The following RBFOX1 variants were observed in gnomAD, a reference collection of about 807,000 sequenced individuals.
RBFOX1 encodes the protein RNA binding fox-1 homolog 1, also known as RNA binding protein fox-1 homolog 1.
RBFOX1 carries 8 observed loss-of-function variants against 57.7 expected under a neutral mutation model. That is an observed-to-expected ratio of 0.14 (90% CI 0.08 to 0.25). RBFOX1 has a LOEUF of 0.25. Among genes scored for constraint, RBFOX1 ranks in the 10% least tolerant of loss-of-function variants. The pLI, the probability that RBFOX1 is intolerant of heterozygous loss-of-function variation, is 1.00. For synonymous variants in RBFOX1, 326 were observed against 222.4 expected, an observed-to-expected ratio of 1.47 and a Z score of -4.15; for missense variants, 611 against 548.5, an observed-to-expected ratio of 1.11 and a Z score of -1.14.
At chr16:6,686,211 G>A (rs111919650) in intron 3 of RBFOX1, among the ~76,000 whole-genome samples, 1 of 152,170 alleles carries the variant, frequency 6.6e-6, no homozygotes, top group Non-Finnish European at 1.5e-5. Context: ...CGGTTCAGAT[G>A]TTCTTATCAC....
At chr16:6,832,590 G>T (rs142105657) in intron 3 of RBFOX1, among the ~76,000 whole-genome samples, 30 of 152,262 alleles carry the variant, frequency 2.0e-4, no homozygotes, top group African/African-American at 7.2e-4. Context: ...AGCCGCAGAC[G>T]GAAAGTGAAG....
At chr16:5,274,864 T>A (rs1286279848) in intron 1 of RBFOX1, among the ~76,000 whole-genome samples, 2 of 152,126 alleles carry the variant, frequency 1.3e-5, no homozygotes, top group East Asian at 3.9e-4. Flanking sequence ...CATGTCAGGG[T>A]CTAGTAGGGG....
At chr16:6,057,813 G>A (rs995914379) in intron 1 of RBFOX1, among the ~76,000 whole-genome samples, 1 of 139,556 alleles carries the variant, frequency 7.2e-6, no homozygotes, top group Non-Finnish European at 1.5e-5. Context: ...ATTTTATGAG[G>A]GTTTGCTATG....
At chr16:6,917,912 G>A (rs2073589834) in intron 3 of RBFOX1, among the ~76,000 whole-genome samples, 1 of 152,088 alleles carries the variant, frequency 6.6e-6, no homozygotes, top group Non-Finnish European at 1.5e-5. Context: ...TGGAGACCTG[G>A]GTATTATCCC....
rs762659895 is a variant in RBFOX1 at position 7,184,603 on chromosome 16, A to G, written c.27+132505A>G. 3.4e-4 allele frequency among the ~76,000 whole-genome samples: 51 copies of G among 152,200 alleles called. 1 individual carries two copies. Among genetic ancestry groups the G allele is most frequent in the Non-Finnish European group, 6.9e-4 (47 of 68,038 alleles). ...TAGTCTTGTCTGTTTAGCAAACAGT[A>G]TGGCAAGTTGGAATTCTAGAGCAGT... On this transcript the variant is annotated intron_variant, in intron 4 of 15. Transcript: ENST00000550418.
At chr16:5,900,730 C>T (rs967888987) in intron 4 of RBFOX1, among the ~76,000 whole-genome samples, 7 of 152,132 alleles carry the variant, frequency 4.6e-5, no homozygotes, top group African/African-American at 7.2e-5. Context: ...CGGCCAGCTT[C>T]GAGAAGGACA....
intron 4 of RBFOX1, among the ~76,000 whole-genome samples, chr16:7,501,864 T>C (rs2071003813): frequency 6.6e-6 from 1 of 152,204 alleles, no homozygotes; most frequent in Admixed American, 6.5e-5. Flanking sequence ...CTATGACTCC[T>C]GCCAGCCTGT....
At chr16:7,139,018 G>A (rs746323443) in intron 4 of RBFOX1, among the ~76,000 whole-genome samples, 1 of 152,026 alleles carries the variant, frequency 6.6e-6, no homozygotes, top group Admixed American at 6.6e-5. Context: ...TGAGCAGGCT[G>A]GTCTCAAACT....
chr16:5,359,447 C>T (rs568109129), intron 1 of RBFOX1, among the ~76,000 whole-genome samples: 25 of 152,320 alleles, frequency 1.6e-4, no homozygotes, highest in African/African-American at 6.0e-4. Context: ...TACACGAGTT[C>T]CTTTTCTCCA....
chr16:6,934,806 C>T (rs914901429), intron 3 of RBFOX1, among the ~76,000 whole-genome samples: 17 of 152,106 alleles, frequency 1.1e-4, no homozygotes, highest in African/African-American at 3.9e-4. Context: ...TCAATTTAAG[C>T]CAGGTGCGGT....
At chr16:7,046,830 T>C (rs1360953786) in intron 3 of RBFOX1, among the ~76,000 whole-genome samples, 1 of 152,020 alleles carries the variant, frequency 6.6e-6, no homozygotes, top group Non-Finnish European at 1.5e-5. Context: ...GGTCTTGAAC[T>C]CCTAACCTCA....
At chr16:7,155,738 T>TATATATATACAC (rs1364155897) in intron 4 of RBFOX1, among the ~76,000 whole-genome samples, 1 of 75,528 alleles carries the variant, frequency 1.3e-5, no homozygotes, top group African/African-American at 6.1e-5. Flanking sequence ...TATATATATA[T>TATATATATACAC]ACACACACAC....
At chr16:5,771,912 G>A (rs546991240) in intron 3 of RBFOX1, among the ~76,000 whole-genome samples, 1 of 152,152 alleles carries the variant, frequency 6.6e-6, no homozygotes, top group African/African-American at 2.4e-5. Flanking sequence ...AGTGGCTCAC[G>A]CCTGTAATCC....
At chr16:7,311,914 T>C (rs1198640376) in intron 4 of RBFOX1, among the ~76,000 whole-genome samples, 2 of 152,240 alleles carry the variant, frequency 1.3e-5, no homozygotes, top group Non-Finnish European at 2.9e-5. Context: ...TCCAGCTGAA[T>C]TGAGCAAGAT....
chr16:7,564,568 A>AT (rs2091241950), intron 5 of RBFOX1, among the ~76,000 whole-genome samples: 4 of 147,308 alleles, frequency 2.7e-5, no homozygotes, highest in Non-Finnish European at 6.0e-5. Context: ...AAAAAAAAAA[A>AT]GGCACTCATC....
chr16:5,257,042 A>G (rs2062607119), intron 1 of RBFOX1, among the ~76,000 whole-genome samples: 1 of 152,196 alleles, frequency 6.6e-6, no homozygotes, highest in African/African-American at 2.4e-5. Flanking sequence ...AATCTAAGGA[A>G]GGTGTGGAAA....
At chr16:6,416,318 T>C (rs1004267857) in intron 2 of RBFOX1, among the ~76,000 whole-genome samples, 36 of 152,192 alleles carry the variant, frequency 2.4e-4, no homozygotes, top group African/African-American at 7.7e-4. Flanking sequence ...CCCGACAGTT[T>C]AGATAGCTCA....
At chr16:6,521,993 C>T (rs990761474) in intron 2 of RBFOX1, among the ~76,000 whole-genome samples, 1 of 152,132 alleles carries the variant, frequency 6.6e-6, no homozygotes, top group African/African-American at 2.4e-5. Context: ...CCAAGGTTAT[C>T]GACCAGCTTC....
At position 6,762,851 on chromosome 16, in the gene RBFOX1, A is replaced by G. The variant is rs1222285461; in HGVS notation, c.-16+108201A>G. ...TTACCAGAGTCATAGTGGCTCTCAAAGGAGGTACCTCTCCTTGCCTTGGGT... is the reference window on the plus strand; with the variant it reads ...TTACCAGAGTCATAGTGGCTCTCAAGGGAGGTACCTCTCCTTGCCTTGGGT... On this transcript the variant is annotated intron_variant, in intron 3 of 15. Transcript: ENST00000550418. Among the ~76,000 whole-genome samples, 3 of 152,204 alleles carry G rather than the reference A, an allele frequency of 2.0e-5. No individual in the cohort carries two copies. In the East Asian group the frequency reaches 5.8e-4, roughly 29 times the overall value.
Sources: allele counts gnomAD v4.1 joint callset (sites outside exome capture counted in the v4.1 genomes callset), GRCh38; gene constraint gnomAD v4.1.1; transcripts MANE v1.5; gene names NCBI Gene and HGNC (gene_info 2026-07-23, HGNC 2026-07-21).